MINDY3: variants seen among roughly 807,000 people sequenced by gnomAD.
The protein encoded by MINDY3 is ubiquitin carboxyl-terminal hydrolase MINDY-3.
In MINDY3, 38 loss-of-function variants were observed where a neutral mutation model predicts 69.2. That is an observed-to-expected ratio of 0.55 (90% confidence interval 0.42 to 0.72). The LOEUF is 0.72. Ranked by LOEUF, MINDY3 falls within the 30% of genes least tolerant of loss-of-function variation. The probability of loss-of-function intolerance (pLI) is 0.00; values close to 1 mark genes in which losing one functional copy is unlikely to be tolerated. For missense variants in MINDY3, 522 were observed against 519.0 expected (o/e 1.01, Z -0.06); for synonymous variants, 192 against 180.1 (o/e 1.07, Z -0.53).
chr10:15,816,882 T>G lies in MINDY3; in HGVS notation c.835A>C (p.Ile279Leu), dbSNP rs759060381. The change falls in exon 10 of 15, where the codon ATT becomes CTT. Residue 279 changes from isoleucine (I) to leucine (L), a missense_variant. Transcript: ENST00000277632. Reference sequence around the variant, plus strand: ...TGAGTCTCACTGCCAACAATCCAAATAGGGAATTTTGGAGATTTCAAGTAA... The same window carrying G: ...TGAGTCTCACTGCCAACAATCCAAAGAGGGAATTTTGGAGATTTCAAGTAA... ...GSYLKSPKFP[I>L]WIVGSETHLT... 1 of 1,612,988 alleles carries G rather than the reference T, an allele frequency of 6.2e-7. No homozygotes were observed. Among genetic ancestry groups the G allele is most frequent in the East Asian group, 2.2e-5 (1 of 44,786 alleles).
At chr10:15,812,070 T>G (rs1839039306) in intron 10 of MINDY3, among the ~76,000 whole-genome samples, 1 of 152,038 alleles carries the variant, frequency 6.6e-6, no homozygotes, top group Non-Finnish European at 1.5e-5. Context: ...GCCTCCTGAG[T>G]AGCTGGGATT....
rs935845137 is a variant in MINDY3 at position 15,821,647 on chromosome 10, T to C, written c.801+9A>G. The C allele has an allele frequency of 3.1e-6, 5 of 1,597,364 alleles. No individual in the cohort carries two copies. The highest frequency in any genetic ancestry group is 1.1e-5 in the South Asian group (1 of 88,722). On this transcript the variant is annotated intron_variant, in intron 9 of 14. Transcript: ENST00000277632. The stretch of plus-strand genomic sequence containing the variant: ...AAAAACATTCAAAGTACCTTAAAAA[T>C]CAATTTACCTTACAGTATCTTAAAG...
chr10:15,788,212 T>C (rs558120291), intron 12 of MINDY3, among the ~76,000 whole-genome samples: 2 of 152,154 alleles, frequency 1.3e-5, no homozygotes, highest in African/African-American at 2.4e-5. Context: ...AGAAGAAGTA[T>C]AGTAATTACT....
At chr10:15,797,448 G>A (rs967808799) in intron 10 of MINDY3, among the ~76,000 whole-genome samples, 8 of 152,048 alleles carry the variant, frequency 5.3e-5, no homozygotes, top group African/African-American at 1.2e-4. Context: ...TAATGTATAC[G>A]CCCAAGTGAC....
chr10:15,786,714 A>G, intron 12 of MINDY3, 66 bp from the exon 13 acceptor site: 1 of 925,488 alleles, frequency 1.1e-6, no homozygotes, highest in Non-Finnish European at 1.7e-6. Context: ...TTCTTTCATG[A>G]TTAAATTACT....
chr10:15,842,046 A>T (rs536354053), intron 3 of MINDY3, among the ~76,000 whole-genome samples: 22 of 151,924 alleles, frequency 1.4e-4, no homozygotes, highest in African/African-American at 5.3e-4. Flanking sequence ...AGGGATAAGA[A>T]TAATGAGATG....
chr10:15,855,032 G>A (rs915257528), intron 1 of MINDY3, among the ~76,000 whole-genome samples: 8 of 152,116 alleles, frequency 5.3e-5, no homozygotes, highest in African/African-American at 4.8e-5. Context: ...AAATTAAAGT[G>A]TGAATTAGTA....
At chr10:15,800,475 C>T (rs1350111809) in intron 10 of MINDY3, among the ~76,000 whole-genome samples, 2 of 152,042 alleles carry the variant, frequency 1.3e-5, no homozygotes, top group Admixed American at 6.6e-5. Context: ...ACAAGTATGG[C>T]GCTAATCATC....
At chr10:15,782,701 A>C (rs1393175771) in intron 13 of MINDY3, among the ~76,000 whole-genome samples, 1 of 152,204 alleles carries the variant, frequency 6.6e-6, no homozygotes, top group Non-Finnish European at 1.5e-5. Context: ...CTTTTCCAAA[A>C]AATATCCAAT....
At chr10:15,795,300 A>AAGAT (rs1321353112) in intron 11 of MINDY3, among the ~76,000 whole-genome samples, 1 of 152,070 alleles carries the variant, frequency 6.6e-6, no homozygotes, top group East Asian at 1.9e-4. Flanking sequence ...GTGGTAAGAG[A>AAGAT]AGATATATTC....
rs115501554 is a variant in MINDY3, at chr10:15,842,937, T to C, written c.235+275A>G. 3.1e-3 allele frequency among the ~76,000 whole-genome samples: 466 copies of C among 150,990 alleles called. 3 individuals are homozygous for C. Among genetic ancestry groups the C allele is most frequent in the African/African-American group, 0.011 (452 of 41,330 alleles). On this transcript the variant is annotated intron_variant, in intron 3 of 14. Transcript: ENST00000277632. ...AAAAAAAAAAAAAGACTGTTCTTTATGGCATGCTGCCACCTAACAGTTCTA... is the reference window on the plus strand; with the variant it reads ...AAAAAAAAAAAAAGACTGTTCTTTACGGCATGCTGCCACCTAACAGTTCTA...
intron 11 of MINDY3, among the ~76,000 whole-genome samples, chr10:15,792,227 C>A (rs1231555157): frequency 6.6e-6 from 1 of 152,102 alleles, no homozygotes; most frequent in African/African-American, 2.4e-5. Flanking sequence ...CTGAGCTTTT[C>A]CAGACCTCTT....
At chr10:15,827,197 A>T (rs1363577642) in intron 8 of MINDY3, among the ~76,000 whole-genome samples, 1 of 150,136 alleles carries the variant, frequency 6.7e-6, no homozygotes, top group Admixed American at 6.6e-5. Context: ...AAAAAAAAAA[A>T]AGCCCAAATA....
chr10:15,838,065 T>C, intron 5 of MINDY3, 163 bp downstream of exon 5: 2 of 983,448 alleles, frequency 2.0e-6, no homozygotes, highest in Non-Finnish European at 2.4e-6. Flanking sequence ...ATTTACAAAC[T>C]ATTTTAATTT....
chr10:15,838,200 G>C (rs1404841630), intron 5 of MINDY3, 28 bp downstream of exon 5: 1 of 1,590,700 alleles, frequency 6.3e-7, no homozygotes, highest in Non-Finnish European at 8.5e-7. Context: ...CACAGAGTAA[G>C]TATTTTAAAT....
intron 11 of MINDY3, among the ~76,000 whole-genome samples, chr10:15,789,967 T>C (rs972864639): frequency 2.6e-5 from 4 of 152,156 alleles, no homozygotes; most frequent in South Asian, 2.1e-4. Flanking sequence ...GTGGGGTAGT[T>C]TGAAATGAGA....
intron 2 of MINDY3, among the ~76,000 whole-genome samples, chr10:15,845,356 T>C (rs1833756159): frequency 6.6e-6 from 1 of 152,226 alleles, no homozygotes; most frequent in Non-Finnish European, 1.5e-5. Context: ...CTATTCTTCT[T>C]ACACAGTATC....
At chr10:15,836,853 T>C (rs112567603) in intron 6 of MINDY3, among the ~76,000 whole-genome samples, 1,564 of 151,486 alleles carry the variant, frequency 0.01, 29 homozygotes, top group African/African-American at 0.034. Flanking sequence ...CACACAGTGA[T>C]TTTTCAAAAA....
intron 10 of MINDY3, among the ~76,000 whole-genome samples, chr10:15,797,447 C>A (rs554522028): frequency 6.6e-6 from 1 of 152,234 alleles, no homozygotes; most frequent in South Asian, 2.1e-4. Context: ...ATAATGTATA[C>A]GCCCAAGTGA....
Sources: gnomAD v4.1 joint callset for allele counts (sites outside exome capture counted in the v4.1 genomes callset) on GRCh38, gnomAD v4.1.1 for gene constraint, MANE v1.5 for transcripts, NCBI Gene and HGNC (gene_info 2026-07-23, HGNC 2026-07-21) for gene names.